Variants in SERPINE2 observed in about 807,000 individuals in gnomAD.
SERPINE2 encodes glia-derived nexin.
Under a neutral mutation model 36.3 loss-of-function variants are expected in SERPINE2, and 14 were observed. That is an observed-to-expected ratio of 0.39 (90% CI 0.25 to 0.60). The LOEUF (loss-of-function observed/expected upper bound fraction) is 0.60, where lower values mean the gene tolerates loss of function less well. Ranked by LOEUF, SERPINE2 falls within the 20% of genes least tolerant of loss-of-function variation. The pLI, the probability that SERPINE2 is intolerant of heterozygous loss-of-function variation, is 0.57. For missense variants in SERPINE2, 418 were observed against 499.6 expected, an observed-to-expected ratio of 0.84 and a Z score of 1.56; for synonymous variants, 192 against 191.8, an observed-to-expected ratio of 1.00 and a Z score of -0.01.
At chr2:223,976,756 T>C (rs1336063137) in intron 8 of SERPINE2, among the ~76,000 whole-genome samples, 2 of 152,222 alleles carry the variant, frequency 1.3e-5, no homozygotes, top group African/African-American at 4.8e-5. Flanking sequence ...AGAGCCAAGT[T>C]TGAACCATGA....
Position 223,984,751 on chromosome 2 carries a change from C to T in SERPINE2, c.884+1G>A, listed in dbSNP as rs1690358775. 6.2e-7 allele frequency: 1 copy of T among 1,611,666 alleles called. No individual in the cohort carries two copies. The highest frequency in any genetic ancestry group is 8.5e-7 in the Non-Finnish European group (1 of 1,179,558). On this transcript the variant is annotated splice_donor_variant, in intron 5 of 8. Coordinates refer to ENST00000409304, the MANE Select transcript of SERPINE2 (RefSeq NM_001136528.2). LOFTEE classifies it high-confidence loss of function. ...TTCTTTGAGGGGAAGGGGCCACTTA[C>T]TTGGGCAGGATCACCTGCACCCTCT...
At chr2:224,011,773 G>A (rs1369716889) in intron 1 of SERPINE2, among the ~76,000 whole-genome samples, 1 of 152,126 alleles carries the variant, frequency 6.6e-6, no homozygotes, top group African/African-American at 2.4e-5. Context: ...TAATAAAAAA[G>A]ATTCAGGTCC....
chr2:223,977,516 G>A, intron 8 of SERPINE2, 28 bp downstream of exon 8: 1 of 1,396,336 alleles, frequency 7.2e-7, no homozygotes, highest in Non-Finnish European at 1.0e-6. Flanking sequence ...TAACAGAGAG[G>A]GCATGATGGA....
intron 7 of SERPINE2, chr2:223,978,901 T>C (rs1377123396): frequency 6.6e-6 from 1 of 152,184 alleles, no homozygotes; most frequent in Non-Finnish European, 1.5e-5. Flanking sequence ...TAGGGTTCTA[T>C]TCTAATAGGA....
At chr2:224,001,562 A>C in intron 2 of SERPINE2, 80 bp downstream of exon 2, 2 of 1,507,230 alleles carry the variant, frequency 1.3e-6, no homozygotes, top group South Asian at 1.3e-5. Context: ...TGGGGTTGTC[A>C]GCAAAAACCA....
chr2:224,031,762 C>G (rs1023966254), intron 1 of SERPINE2, among the ~76,000 whole-genome samples: 4 of 148,660 alleles, frequency 2.7e-5, no homozygotes, highest in Non-Finnish European at 3.0e-5. Flanking sequence ...ACCCCCCACC[C>G]CCCCCGCCGG....
At chr2:223,982,454 C>T (rs1327901273) in intron 6 of SERPINE2, 2 of 402,276 alleles carry the variant, frequency 5.0e-6, no homozygotes, top group South Asian at 3.2e-5. Flanking sequence ...CCAAAAACCA[C>T]TTGTATCCCA....
At chr2:223,986,786 T>C (rs1459158521) in intron 4 of SERPINE2, among the ~76,000 whole-genome samples, 1 of 152,186 alleles carries the variant, frequency 6.6e-6, no homozygotes, top group Non-Finnish European at 1.5e-5. Flanking sequence ...GGACCCATTA[T>C]TAACTGATCA....
chr2:223,997,645 A>C (rs746753209), intron 3 of SERPINE2, among the ~76,000 whole-genome samples: 14 of 152,218 alleles, frequency 9.2e-5, no homozygotes, highest in Non-Finnish European at 1.9e-4. Flanking sequence ...TAAAAGTTGT[A>C]ATCATGTGCC....
intron 3 of SERPINE2, among the ~76,000 whole-genome samples, chr2:223,993,412 T>C (rs1690748847): frequency 6.6e-6 from 1 of 151,954 alleles, no homozygotes; most frequent in Admixed American, 6.6e-5. Context: ...TCACAATTAT[T>C]CTGAGGTCTT....
Position 223,984,932 on chromosome 2 carries a change from T to C in SERPINE2, c.704A>G (p.Asn235Ser), listed in dbSNP as rs199864365. 1.1e-3 allele frequency: 1,804 copies of C among 1,614,150 alleles called. 21 individuals carry two copies. In the South Asian group the frequency reaches 0.014, roughly 13 times the overall value. The change falls in exon 5 of 9, where the codon AAT becomes AGT. Residue 235 changes from asparagine to serine, a missense_variant. Physicochemically the swap from Asn to Ser is conservative, Grantham distance 46. Coordinates refer to ENST00000409304, the MANE Select transcript of SERPINE2 (RefSeq NM_001136528.2). ...TTCAATGAAGTTGTACCATAAATCA[T>C]TGGGGGCACTTGTCGACCCTAAAGA... ...VFRCGSTSAP[N>S]DLWYNFIELP...
chr2:224,011,538 C>T (rs916144713), intron 1 of SERPINE2, among the ~76,000 whole-genome samples: 29 of 152,114 alleles, frequency 1.9e-4, no homozygotes, highest in Non-Finnish European at 3.7e-4. Context: ...TTTCTCTGAT[C>T]CTTTAGAATA....
Position 224,039,157 on chromosome 2 carries a change from G to A in SERPINE2, c.-81C>T, listed in dbSNP as rs1692630271. ...AGGGCGGTGCGGCCGCAACCGGAGC[G>A]GGAGCCTGGTCTCGGCGGCGCGGGG... is the stretch of plus-strand genomic sequence containing the variant. On this transcript the variant is annotated 5_prime_UTR_variant, in exon 1 of 9. Transcript: ENST00000409304. The surrounding 1 kb of genome is among the most constrained non-coding windows in gnomAD (Gnocchi z 5.2). The A allele has an allele frequency of 6.6e-6, 1 of 151,154 alleles. No homozygotes were observed. The highest frequency in any genetic ancestry group is 2.1e-4 in the South Asian group (1 of 4,832). The allele number at this position is 151,154 out of a possible 1,614,324, so 9.4% of individuals were successfully genotyped here.
intron 4 of SERPINE2, among the ~76,000 whole-genome samples, chr2:223,987,865 T>C (rs1353124927): frequency 6.6e-6 from 1 of 152,220 alleles, no homozygotes; most frequent in African/African-American, 2.4e-5. Flanking sequence ...ATCTTAAATA[T>C]TTAATATCAG....
intron 7 of SERPINE2, 53 bp from the exon 8 acceptor site, chr2:223,977,680 C>G (rs933743810): frequency 1.9e-5 from 23 of 1,241,162 alleles, no homozygotes; most frequent in Non-Finnish European, 2.7e-5. Flanking sequence ...ACCATGTAAG[C>G]ATAAGGCCAG....
At chr2:224,005,493 T>C (rs1243692587) in intron 1 of SERPINE2, among the ~76,000 whole-genome samples, 1 of 152,170 alleles carries the variant, frequency 6.6e-6, no homozygotes, top group East Asian at 1.9e-4. Flanking sequence ...TGTCTAAGAA[T>C]AAGCTTTCAT....
chr2:223,992,081 G>T, intron 3 of SERPINE2, 81 bp from the exon 4 acceptor site: 1 of 1,185,616 alleles, frequency 8.4e-7, no homozygotes, highest in Non-Finnish European at 1.2e-6. Flanking sequence ...GCTGTCATCA[G>T]GTAGACTGAA....
At chr2:224,030,157 T>G (rs936091160) in intron 1 of SERPINE2, 2 of 985,334 alleles carry the variant, frequency 2.0e-6, no homozygotes, top group African/African-American at 3.5e-5. Context: ...GGAGGTTATT[T>G]CATGCAACAG....
At chr2:223,989,789 A>G (rs1690581739) in intron 4 of SERPINE2, among the ~76,000 whole-genome samples, 1 of 152,184 alleles carries the variant, frequency 6.6e-6, no homozygotes, top group Middle Eastern at 3.2e-3. Flanking sequence ...TGAGCAGCGG[A>G]CTTTCTTTTT....
Sources: gnomAD v4.1 joint callset for allele counts (sites outside exome capture counted in the v4.1 genomes callset) on GRCh38, gnomAD v4.1.1 for gene constraint, Gnocchi (gnomAD v3.1) non-coding constraint, MANE v1.5 for transcripts, NCBI Gene and HGNC (gene_info 2026-07-23, HGNC 2026-07-21) for gene names.